Variants in CRIM1 observed in about 807,000 individuals in gnomAD.
CRIM1 encodes the protein cysteine-rich motor neuron 1 protein.
A neutral mutation model predicts 116.4 loss-of-function variants in CRIM1; 32 were observed. The ratio of observed to expected loss-of-function variants is 0.27; its 90% CI spans 0.21 to 0.37. The LOEUF is 0.37. CRIM1 is among the 10% of genes least tolerant of loss of function. CRIM1 has a pLI of 1.00. For missense variants in CRIM1, 1,331 were observed against 1,354.8 expected (o/e 0.98, Z 0.28); for synonymous variants, 590 against 509.2 (o/e 1.16, Z -2.13).
At chr2:36,475,330 A>G (rs539868039) in intron 5 of CRIM1, among the ~76,000 whole-genome samples, 7 of 152,320 alleles carry the variant, frequency 4.6e-5, no homozygotes, top group Admixed American at 3.9e-4. Context: ...ATTCCTAAGT[A>G]TTGTATACTT....
At chr2:36,358,007 G>A (rs1668969226) in intron 1 of CRIM1, among the ~76,000 whole-genome samples, 1 of 152,184 alleles carries the variant, frequency 6.6e-6, no homozygotes, top group Admixed American at 6.5e-5. Context: ...TTGGGGTTTG[G>A]ACAGTTCAGG....
chr2:36,510,044 T>C lies in CRIM1; in HGVS notation c.1563T>C (p.Leu521=). The C allele has an allele frequency of 6.2e-7, 1 of 1,614,188 alleles. No individual in the cohort carries two copies. Among genetic ancestry groups the C allele is most frequent in the Non-Finnish European group, 8.5e-7 (1 of 1,180,016 alleles). ...GCTLNCPFGF[L]TDAQNCEICE... is the part of the protein sequence containing the mutation. ...CCTTGAACTGTCCCTTCGGTTTCCT[T>C]ACTGATGCCCAAAACTGTGAGATCT... The change falls in exon 9 of 17, where the codon CTT becomes CTC. Residue 521 remains leucine, a synonymous_variant. Coordinates refer to ENST00000280527, the MANE Select transcript of CRIM1 (RefSeq NM_016441.3).
At chr2:36,381,231 A>G (rs1179562975) in intron 1 of CRIM1, among the ~76,000 whole-genome samples, 1 of 152,222 alleles carries the variant, frequency 6.6e-6, no homozygotes, top group Non-Finnish European at 1.5e-5. Flanking sequence ...GGAAACAGGA[A>G]GGACTCGGGG....
At chr2:36,534,757 A>T (rs367915347) in intron 13 of CRIM1, among the ~76,000 whole-genome samples, 3 of 151,966 alleles carry the variant, frequency 2.0e-5, no homozygotes, top group Admixed American at 6.6e-5. Context: ...AAGAAAAAAA[A>T]AAGAATATAG....
intron 2 of CRIM1, among the ~76,000 whole-genome samples, chr2:36,426,920 G>A (rs1320998066): frequency 6.6e-6 from 1 of 152,090 alleles, no homozygotes; most frequent in Non-Finnish European, 1.5e-5. Context: ...GTAAGAAAAG[G>A]AGCCGTGCGC....
chr2:36,356,878 C>G lies in CRIM1; in HGVS notation c.331+255C>G, dbSNP rs1440568731. On this transcript the variant is annotated intron_variant, in intron 1 of 16. Transcript: ENST00000280527. The surrounding 1 kb of genome is among the most constrained non-coding windows in gnomAD (Gnocchi z 4.3). ...GCGAGTGGAGGATCGCCCCTGTCCC[C>G]GCGCAGACGCGCACACGTGTGGCCG... Among the ~76,000 whole-genome samples the G allele has an allele frequency of 6.6e-6, 1 of 152,110 alleles. No individual in the cohort carries two copies. Among genetic ancestry groups the G allele is most frequent in the Non-Finnish European group, 1.5e-5 (1 of 68,002 alleles).
At chr2:36,388,215 C>A (rs915777897) in intron 1 of CRIM1, among the ~76,000 whole-genome samples, 1 of 152,064 alleles carries the variant, frequency 6.6e-6, no homozygotes, top group Non-Finnish European at 1.5e-5. Context: ...TTTTATTAAA[C>A]GAGATTTACT....
At chr2:36,449,653 C>T (rs1305228678) in intron 4 of CRIM1, among the ~76,000 whole-genome samples, 2 of 152,106 alleles carry the variant, frequency 1.3e-5, no homozygotes, top group Admixed American at 6.5e-5. Flanking sequence ...GTAACTTCTA[C>T]CTCTAAATTC....
chr2:36,495,975 A>G (rs1364532996), intron 7 of CRIM1, among the ~76,000 whole-genome samples: 1 of 152,190 alleles, frequency 6.6e-6, no homozygotes, highest in Non-Finnish European at 1.5e-5. Context: ...ATAGGAAACC[A>G]AGCACTAAAA....
chr2:36,520,525 A>T (rs1315848946), intron 12 of CRIM1, among the ~76,000 whole-genome samples: 1 of 152,234 alleles, frequency 6.6e-6, no homozygotes, highest in Non-Finnish European at 1.5e-5. Flanking sequence ...TCTCTAACCT[A>T]TGTGGGTGGG....
chr2:36,367,916 T>C (rs990192378), intron 1 of CRIM1, among the ~76,000 whole-genome samples: 6 of 152,172 alleles, frequency 3.9e-5, no homozygotes, highest in African/African-American at 1.4e-4. Context: ...ATGTACTTCA[T>C]TAATTATTAA....
At chr2:36,392,633 A>G (rs902084801) in intron 1 of CRIM1, among the ~76,000 whole-genome samples, 3 of 152,104 alleles carry the variant, frequency 2.0e-5, no homozygotes, top group African/African-American at 7.2e-5. Flanking sequence ...ACCTCATTAC[A>G]TTTTTGCTTT....
intron 2 of CRIM1, among the ~76,000 whole-genome samples, chr2:36,436,942 T>G (rs1344818272): frequency 6.6e-6 from 1 of 152,224 alleles, no homozygotes; most frequent in Non-Finnish European, 1.5e-5. Flanking sequence ...AGCAATACAT[T>G]ATCAAAAATC....
intron 2 of CRIM1, among the ~76,000 whole-genome samples, chr2:36,436,420 T>C (rs1675318190): frequency 6.6e-6 from 1 of 152,220 alleles, no homozygotes; most frequent in African/African-American, 2.4e-5. Flanking sequence ...TTTGAAAGCA[T>C]AACTTCACAA....
intron 6 of CRIM1, among the ~76,000 whole-genome samples, chr2:36,479,013 G>A (rs963830539): frequency 6.6e-6 from 1 of 152,148 alleles, no homozygotes; most frequent in African/African-American, 2.4e-5. Flanking sequence ...CAAGACCACT[G>A]TTGCCCACAT....
chr2:36,366,018 G>T (rs4670545), intron 1 of CRIM1, among the ~76,000 whole-genome samples: 1 of 152,102 alleles, frequency 6.6e-6, no homozygotes, highest in African/African-American at 2.4e-5. Flanking sequence ...GAGCCACCGC[G>T]CCCAGCCCAG....
At chr2:36,463,643 CT>C (rs1206367838) in intron 4 of CRIM1, among the ~76,000 whole-genome samples, 2 of 152,220 alleles carry the variant, frequency 1.3e-5, no homozygotes, top group Admixed American at 1.3e-4. Flanking sequence ...CCTAAGTTTC[CT>C]GTGTCCTGCC....
chr2:36,433,207 A>G (rs992175856), intron 2 of CRIM1, among the ~76,000 whole-genome samples: 8 of 150,100 alleles, frequency 5.3e-5, no homozygotes, highest in Non-Finnish European at 1.2e-4. Flanking sequence ...AGTGAGGTCT[A>G]AGTTTCTGCA....
chr2:36,536,909 C>G (rs999319093), intron 13 of CRIM1, among the ~76,000 whole-genome samples: 1 of 152,080 alleles, frequency 6.6e-6, no homozygotes, highest in African/African-American at 2.4e-5. Flanking sequence ...AAGTGGTTAT[C>G]TCGGTGCTGA....
Sources: gnomAD v4.1 joint callset for allele counts (sites outside exome capture counted in the v4.1 genomes callset) on GRCh38, gnomAD v4.1.1 for gene constraint, Gnocchi (gnomAD v3.1) non-coding constraint, MANE v1.5 for transcripts, NCBI Gene and HGNC (gene_info 2026-07-23, HGNC 2026-07-21) for gene names.